LASP1: variants seen among roughly 807,000 people sequenced by gnomAD.
The protein encoded by LASP1 is LIM and SH3 domain protein 1.
In LASP1, 10 loss-of-function variants were observed where a neutral mutation model predicts 38.6. The observed-to-expected ratio is 0.26, with a 90% CI of 0.16 to 0.44. LASP1 has a LOEUF of 0.44. LASP1 is among the 20% of genes least tolerant of loss of function. LASP1 has a pLI of 1.00. For synonymous variants in LASP1, 132 were observed against 140.8 expected, an observed-to-expected ratio of 0.94 and a Z score of 0.44; for missense variants, 243 against 375.7, an observed-to-expected ratio of 0.65 and a Z score of 2.92.
rs950184044 is a variant in LASP1, at chr17:38,921,152, C to T, written c.*2374C>T. The T allele has an allele frequency of 4.4e-6, 1 of 229,124 alleles. No homozygotes were observed. Among genetic ancestry groups the T allele is most frequent in the African/African-American group, 2.2e-5 (1 of 45,028 alleles). 14.2% of individuals were successfully genotyped at this position (229,124 alleles called of 1,614,324 possible). Reference sequence around the variant, plus strand: ...GCTGGGCGTCTGTTCTTTACCAAAACCATCCATCCCTAGAAGAGCACAGAG... The same window carrying T: ...GCTGGGCGTCTGTTCTTTACCAAAATCATCCATCCCTAGAAGAGCACAGAG... On this transcript the variant is annotated 3_prime_UTR_variant, in exon 7 of 7. Transcript: ENST00000318008.
chr17:38,886,781 A>G (rs76206872), intron 2 of LASP1, among the ~76,000 whole-genome samples: 2,853 of 152,132 alleles, frequency 0.019, 110 homozygotes, highest in African/African-American at 0.065. Context: ...GGGCACATCT[A>G]TATATTCATC....
rs185077774 is a variant in LASP1 at position 38,910,000 on chromosome 17, G to A, written c.358-4325G>A. Among the ~76,000 whole-genome samples the A allele has an allele frequency of 1.1e-3, 168 of 152,238 alleles. 1 individual carries two copies. Among genetic ancestry groups the A allele is most frequent in the African/African-American group, 4.0e-3 (165 of 41,538 alleles). On this transcript the variant is annotated intron_variant, in intron 4 of 6. Coordinates refer to ENST00000318008, the MANE Select transcript of LASP1 (RefSeq NM_006148.4). ...TGACTTCAAGCAATCTGCCAACCTC[G>A]ACCTCCCAAAGTGCTGGGATTAAAG... is the stretch of plus-strand genomic sequence containing the variant.
At chr17:38,876,397 A>G (rs986097907) in intron 1 of LASP1, among the ~76,000 whole-genome samples, 18 of 149,624 alleles carry the variant, frequency 1.2e-4, no homozygotes, top group African/African-American at 4.2e-4. Flanking sequence ...GTCTCGCTCT[A>G]TACCCCAGGC....
Position 38,921,285 on chromosome 17 carries a change from G to C in LASP1, c.*2507G>C. ...GAAAGAGGCATCAAAGCTAGAATGT[G>C]AATATAACTTTTGTGGACCAATACT... On this transcript the variant is annotated 3_prime_UTR_variant, in exon 7 of 7. Coordinates refer to ENST00000318008, the MANE Select transcript of LASP1 (RefSeq NM_006148.4). 4.3e-6 allele frequency: 1 copy of C among 230,576 alleles called. No homozygotes were observed. Among genetic ancestry groups the C allele is most frequent in the Non-Finnish European group, 8.6e-6 (1 of 116,108 alleles). 14.3% of individuals were successfully genotyped at this position (230,576 alleles called of 1,614,324 possible).
intron 2 of LASP1, among the ~76,000 whole-genome samples, chr17:38,882,507 C>T (rs1306327010): frequency 1.3e-5 from 2 of 152,134 alleles, no homozygotes; most frequent in African/African-American, 4.8e-5. Context: ...CTCGGCCTCC[C>T]AAAGTGCTGG....
chr17:38,921,742 C>T lies in LASP1; in HGVS notation c.*2964C>T. Reference sequence around the variant, plus strand: ...CAAGTGAATCTTTCTCCTGGTGACTCAAATAAAAGTATAATTTTTACCTGC... The same window carrying T: ...CAAGTGAATCTTTCTCCTGGTGACTTAAATAAAAGTATAATTTTTACCTGC... On this transcript the variant is annotated 3_prime_UTR_variant, in exon 7 of 7. Transcript: ENST00000318008. The T allele has an allele frequency of 4.5e-6, 1 of 224,382 alleles. No individual in the cohort carries two copies. The highest frequency in any genetic ancestry group is 6.4e-5 in the East Asian group (1 of 15,536). 13.9% of individuals were successfully genotyped at this position (224,382 alleles called of 1,614,324 possible). A position where few individuals can be genotyped will look rare whatever the true frequency, so the allele number is the denominator to read the frequency against.
At chr17:38,899,051 G>A (rs78888218) in intron 4 of LASP1, 6,867 of 335,788 alleles carry the variant, frequency 0.02, 416 homozygotes, top group African/African-American at 0.14. Context: ...ATGGTCAGTG[G>A]CATCTGGCTG....
At chr17:38,884,415 T>G (rs2143751309) in intron 2 of LASP1, among the ~76,000 whole-genome samples, 1 of 151,322 alleles carries the variant, frequency 6.6e-6, no homozygotes, top group South Asian at 2.1e-4. Context: ...GAGACAGAGT[T>G]TCGCTCTTGT....
At chr17:38,908,620 C>G (rs1005690232) in intron 4 of LASP1, among the ~76,000 whole-genome samples, 3 of 152,158 alleles carry the variant, frequency 2.0e-5, no homozygotes, top group African/African-American at 7.2e-5. Flanking sequence ...GGGAGGGGGC[C>G]GGGAAAGGAG....
chr17:38,875,089 G>GTGT (rs1555553217), intron 1 of LASP1, among the ~76,000 whole-genome samples: 1,229 of 111,518 alleles, frequency 0.011, 13 homozygotes, highest in African/African-American at 0.028. Context: ...GTGTGTGTGT[G>GTGT]AGAAAGTGGG....
chr17:38,878,215 A>T, intron 2 of LASP1, 35 bp downstream of exon 2: 1 of 1,456,780 alleles, frequency 6.9e-7, no homozygotes, highest in Non-Finnish European at 9.6e-7. Flanking sequence ...CTGGGTGGGC[A>T]CCTTGGCTCC....
At position 38,918,396 on chromosome 17, in the gene LASP1, T is replaced by TTAG. The variant is rs1383780837; in HGVS notation, c.613-205_613-203dup. Among the ~76,000 whole-genome samples, 7 of 152,162 alleles carry TTAG rather than the reference T, an allele frequency of 4.6e-5. No individual in the cohort carries two copies. The highest frequency in any genetic ancestry group is 1.0e-4 in the Non-Finnish European group (7 of 68,032). ...CCGGTCCCTGCTCTGCCTCTGGCCC[T>TTAG]TAGTAGCTGCCAAAGGTTGTAAAAG... On this transcript the variant is annotated intron_variant, in intron 6 of 6. Transcript: ENST00000318008. The surrounding 1 kb of genome is among the most constrained non-coding windows in gnomAD (Gnocchi z 4.4).
chr17:38,870,936 A>C (rs950804595), intron 1 of LASP1, among the ~76,000 whole-genome samples: 1 of 151,620 alleles, frequency 6.6e-6, no homozygotes, highest in Admixed American at 6.6e-5. Flanking sequence ...TTAAAAGCCA[A>C]CTCCCGGTGC....
At chr17:38,884,711 G>A (rs1041090409) in intron 2 of LASP1, among the ~76,000 whole-genome samples, 18 of 95,618 alleles carry the variant, frequency 1.9e-4, no homozygotes, top group Admixed American at 4.3e-4. Flanking sequence ...TTTTTTTTGA[G>A]ATGGGGTCTC....
chr17:38,885,714 C>T (rs984247146), intron 2 of LASP1, among the ~76,000 whole-genome samples: 5 of 152,174 alleles, frequency 3.3e-5, no homozygotes, highest in Admixed American at 2.0e-4. Context: ...CCAGCTGGGA[C>T]GGGTGGCCCC....
At chr17:38,901,818 T>A (rs1005046699) in intron 4 of LASP1, among the ~76,000 whole-genome samples, 6 of 152,100 alleles carry the variant, frequency 3.9e-5, no homozygotes, top group African/African-American at 1.2e-4. Context: ...CAGGCTGGAG[T>A]GCAGTGGCGC....
At chr17:38,907,459 T>C (rs1914805157) in intron 4 of LASP1, among the ~76,000 whole-genome samples, 1 of 152,186 alleles carries the variant, frequency 6.6e-6, no homozygotes, top group Non-Finnish European at 1.5e-5. Context: ...GATTTTGTCC[T>C]TGTGTCACCA....
chr17:38,909,606 CA>C (rs980117636), intron 4 of LASP1, among the ~76,000 whole-genome samples: 204 of 135,688 alleles, frequency 1.5e-3, no homozygotes, highest in Admixed American at 1.5e-3. Flanking sequence ...GACTCCATCT[CA>C]AAAAAAAAAA....
At position 38,882,566 on chromosome 17, in the gene LASP1, C is replaced by T. The variant is rs570286419; in HGVS notation, c.164+4386C>T. Among the ~76,000 whole-genome samples, 7 of 152,290 alleles carry T rather than the reference C, an allele frequency of 4.6e-5. No homozygotes were observed. In the South Asian group the frequency reaches 1.5e-3, roughly 32 times the overall value. On this transcript the variant is annotated intron_variant, in intron 2 of 6. Coordinates refer to ENST00000318008, the MANE Select transcript of LASP1 (RefSeq NM_006148.4). ...CGGCCCGAATTCTTTCTTGAAGCTT[C>T]TGGGTGGGTGGAGTGAGCCTGCTCT...
Sources: allele counts gnomAD v4.1 joint callset (sites outside exome capture counted in the v4.1 genomes callset), GRCh38; gene constraint gnomAD v4.1.1; non-coding constraint Gnocchi (gnomAD v3.1); transcripts MANE v1.5; gene names NCBI Gene and HGNC (gene_info 2026-07-23, HGNC 2026-07-21).